The following MAP4K3 variants were observed in gnomAD, a reference collection of about 807,000 sequenced individuals.
MAP4K3 encodes the protein mitogen-activated protein kinase kinase kinase kinase 3, also known as MAPK/ERK kinase kinase kinase 3.
A neutral mutation model predicts 143.5 loss-of-function variants in MAP4K3; 94 were observed. The observed-to-expected ratio is 0.65, with a 90% confidence interval of 0.55 to 0.78. The LOEUF is 0.78. MAP4K3 is among the 30% of genes least tolerant of loss of function. The probability of loss-of-function intolerance (pLI) is 0.00; values close to 1 mark genes in which losing one functional copy is unlikely to be tolerated. For missense variants in MAP4K3, 1,077 were observed against 1,068.1 expected, an observed-to-expected ratio of 1.01 and a Z score of -0.12; for synonymous variants, 416 against 347.2, an observed-to-expected ratio of 1.20 and a Z score of -2.20.
intron 2 of MAP4K3, among the ~76,000 whole-genome samples, chr2:39,375,289 T>C (rs1666188009): frequency 6.6e-6 from 1 of 151,902 alleles, no homozygotes. Context: ...CTTAGAAAAA[T>C]GTGAGCGTAA....
At chr2:39,338,961 G>C (rs1665061531) in intron 4 of MAP4K3, among the ~76,000 whole-genome samples, 1 of 152,108 alleles carries the variant, frequency 6.6e-6, no homozygotes, top group Admixed American at 6.6e-5. Flanking sequence ...CTCAGTCTCA[G>C]GCATTTTGTT....
chr2:39,311,777 C>T (rs1682945594), intron 13 of MAP4K3, among the ~76,000 whole-genome samples: 1 of 152,210 alleles, frequency 6.6e-6, no homozygotes, highest in African/African-American at 2.4e-5. Flanking sequence ...TTTATGAGAC[C>T]TTGAGCCAGA....
chr2:39,363,037 T>C (rs1665814018), intron 2 of MAP4K3, among the ~76,000 whole-genome samples: 1 of 152,194 alleles, frequency 6.6e-6, no homozygotes, highest in Non-Finnish European at 1.5e-5. Context: ...CACAAAAAAT[T>C]CAGCTTTAAT....
intron 2 of MAP4K3, among the ~76,000 whole-genome samples, chr2:39,368,225 T>C (rs1207693909): frequency 6.6e-6 from 1 of 152,116 alleles, no homozygotes; most frequent in East Asian, 1.9e-4. Context: ...AAGTAAGTAT[T>C]ATAGTAGACT....
intron 2 of MAP4K3, among the ~76,000 whole-genome samples, chr2:39,366,835 T>C (rs554509735): frequency 6.6e-6 from 1 of 152,262 alleles, no homozygotes; most frequent in South Asian, 2.1e-4. Flanking sequence ...GATAAGAAAT[T>C]GGCTTAAGTA....
At chr2:39,291,407 G>A (rs1008933808) in intron 18 of MAP4K3, among the ~76,000 whole-genome samples, 6 of 152,054 alleles carry the variant, frequency 3.9e-5, no homozygotes, top group Non-Finnish European at 7.4e-5. Flanking sequence ...AAGAACATAA[G>A]CCACATCTGG....
chr2:39,295,161 C>T (rs1486893059), intron 16 of MAP4K3, among the ~76,000 whole-genome samples: 8 of 151,728 alleles, frequency 5.3e-5, no homozygotes, highest in Admixed American at 5.2e-4. Context: ...TTCTGCAGTG[C>T]ACTGACATAT....
At chr2:39,298,298 C>T (rs1455562806) in intron 16 of MAP4K3, among the ~76,000 whole-genome samples, 3 of 151,716 alleles carry the variant, frequency 2.0e-5, no homozygotes, top group Non-Finnish European at 2.9e-5. Context: ...ATTTTCTCTG[C>T]CAAGAAAATT....
chr2:39,253,802 G>T (rs1277747924), intron 32 of MAP4K3, among the ~76,000 whole-genome samples: 2 of 152,160 alleles, frequency 1.3e-5, no homozygotes, highest in Non-Finnish European at 2.9e-5. Flanking sequence ...ACATTCTAGG[G>T]GGCAAGTGCC....
intron 28 of MAP4K3, among the ~76,000 whole-genome samples, chr2:39,263,917 T>C (rs898871170): frequency 6.6e-5 from 10 of 152,228 alleles, no homozygotes; most frequent in Non-Finnish European, 2.9e-5. Flanking sequence ...CATCTTTCAT[T>C]ATATATTAGC....
chr2:39,282,487 T>C (rs181042876), intron 22 of MAP4K3, 26 bp downstream of exon 22: 9 of 1,592,210 alleles, frequency 5.7e-6, no homozygotes, highest in African/African-American at 5.4e-5. Flanking sequence ...GCTTGAAACT[T>C]AGCCTACTCC....
At position 39,249,726 on chromosome 2, in the gene MAP4K3, A is replaced by G. The variant is rs1680077465; in HGVS notation, c.*892T>C. The G allele has an allele frequency of 6.6e-6, 1 of 152,594 alleles. No homozygotes were observed. The highest frequency in any genetic ancestry group is 1.5e-5 in the Non-Finnish European group (1 of 68,004). 9.5% of individuals were successfully genotyped at this position (152,594 alleles called of 1,614,324 possible). ...GTGTGATCATATGAAATGTTTAGTG[A>G]GGACTCTTTAATAATGCTAATTAAT... On this transcript the variant is annotated 3_prime_UTR_variant, in exon 34 of 34. Coordinates refer to ENST00000263881, the MANE Select transcript of MAP4K3 (RefSeq NM_003618.4).
chr2:39,265,149 T>A (rs1680717303), intron 28 of MAP4K3, 54 bp downstream of exon 28: 1 of 1,154,368 alleles, frequency 8.7e-7, no homozygotes, highest in African/African-American at 1.5e-5. Context: ...TAAAGAACAG[T>A]AAGGTTGACA....
At chr2:39,341,013 ACAT>A (rs2148532739) in intron 4 of MAP4K3, among the ~76,000 whole-genome samples, 1 of 152,266 alleles carries the variant, frequency 6.6e-6, no homozygotes, top group African/African-American at 2.4e-5. Flanking sequence ...ATATTTGAAG[ACAT>A]AATAATTGAT....
At chr2:39,334,760 T>C (rs1683805570) in intron 6 of MAP4K3, among the ~76,000 whole-genome samples, 1 of 152,170 alleles carries the variant, frequency 6.6e-6, no homozygotes, top group Non-Finnish European at 1.5e-5. Flanking sequence ...TTTTAAGCTC[T>C]GGGGTTACAA....
At chr2:39,257,959 GTC>G (rs1423510403) in intron 31 of MAP4K3, among the ~76,000 whole-genome samples, 4 of 152,094 alleles carry the variant, frequency 2.6e-5, no homozygotes, top group African/African-American at 9.6e-5. Flanking sequence ...TGAGACAAGA[GTC>G]TCGTTCCTCA....
intron 1 of MAP4K3, among the ~76,000 whole-genome samples, chr2:39,401,671 C>T (rs965920537): frequency 4.6e-5 from 7 of 151,982 alleles, no homozygotes; most frequent in Admixed American, 1.3e-4. Flanking sequence ...CATGGTGGCC[C>T]GTGCCTGTAG....
intron 16 of MAP4K3, among the ~76,000 whole-genome samples, chr2:39,298,778 C>T (rs1358722679): frequency 6.6e-6 from 1 of 151,998 alleles, no homozygotes; most frequent in East Asian, 1.9e-4. Flanking sequence ...CCAGCCTGAT[C>T]AACATGGTGA....
At chr2:39,322,106 G>A (rs1427821501) in intron 12 of MAP4K3, among the ~76,000 whole-genome samples, 1 of 152,156 alleles carries the variant, frequency 6.6e-6, no homozygotes, top group Non-Finnish European at 1.5e-5. Context: ...CCACAGGTGT[G>A]GAGGGGCAAC....
Sources: allele counts gnomAD v4.1 joint callset (sites outside exome capture counted in the v4.1 genomes callset), GRCh38; gene constraint gnomAD v4.1.1; transcripts MANE v1.5; gene names NCBI Gene and HGNC (gene_info 2026-07-23, HGNC 2026-07-21).